The following TAL1 variants were observed in gnomAD, a reference collection of about 807,000 sequenced individuals.
TAL1 encodes the protein T-cell acute lymphocytic leukemia protein 1.
In TAL1, 8 loss-of-function variants were observed where a neutral mutation model predicts 17.9. That is an observed-to-expected ratio of 0.45 (90% confidence interval 0.26 to 0.81). TAL1 has a LOEUF of 0.81. Ranked by LOEUF, TAL1 falls within the 30% of genes least tolerant of loss-of-function variation. The pLI, the probability that TAL1 is intolerant of heterozygous loss-of-function variation, is 0.17. For missense variants in TAL1, 466 were observed against 486.9 expected (o/e 0.96, Z 0.40); for synonymous variants, 223 against 218.6 (o/e 1.02, Z -0.18).
exon 1 of TAL1, chr1:47,229,346 G>A (rs371318563): frequency 3.4e-4 from 66 of 195,078 alleles, no homozygotes; most frequent in African/African-American, 1.5e-3. Flanking sequence ...TGTGGTCCTG[G>A]GCGATCTGCC....
At chr1:47,222,461 C>T (rs6678021) in intron 3 of TAL1, among the ~76,000 whole-genome samples, 8,640 of 152,198 alleles carry the variant, frequency 0.057, 328 homozygotes, top group African/African-American at 0.093. Flanking sequence ...CACACATAGT[C>T]CATGGCACAT....
At position 47,219,894 on chromosome 1, in the gene TAL1, G is replaced by GGCGCCCCCCCCCCCCC; in HGVS notation, c.821_822insGGGGGGGGGGGGGCGC (p.Ala275GlyfsTer10). On this transcript the variant is annotated frameshift_variant, in exon 4 of 4. Transcript: ENST00000294339. LOFTEE classifies it high-confidence loss of function. ...CTTGCAGGAGGTCATCTGGGGGCGC[G>GGCGCCCCCCCCCCCCC]CCGCCCCCTCCCCCACCTCCACCCC... 5 of 1,556,012 alleles carry GGCGCCCCCCCCCCCCC rather than the reference G, an allele frequency of 3.2e-6. No individual in the cohort carries two copies. Among genetic ancestry groups the GGCGCCCCCCCCCCCCC allele is most frequent in the Non-Finnish European group, 3.5e-6 (4 of 1,149,564 alleles).
At chr1:47,216,845 C>T (rs545927519) in exon 4 of TAL1, 96 of 231,610 alleles carry the variant, frequency 4.1e-4, no homozygotes, top group African/African-American at 1.8e-3. Flanking sequence ...AGATGCTATT[C>T]TTGGAATGTT....
chr1:47,228,786 G>C (rs1643954073), intron 1 of TAL1: 1 of 158,350 alleles, frequency 6.3e-6, no homozygotes, highest in Non-Finnish European at 1.4e-5. Context: ...CCCACCCTAG[G>C]CCTCAGGCCT....
exon 2 of TAL1, chr1:47,225,673 T>C: frequency 7.1e-7 from 1 of 1,417,892 alleles, no homozygotes; most frequent in East Asian, 3.0e-5. Context: ...CCTTTAAGTC[T>C]CTCGCGGCGC....
Position 47,219,894 on chromosome 1 carries a change from G to GCCCCCCCCCCCCC in TAL1, c.821_822insGGGGGGGGGGGGG (p.Ala275GlyfsTer9). 6.4e-7 allele frequency: 1 copy of GCCCCCCCCCCCCC among 1,556,028 alleles called. No individual in the cohort carries two copies. The highest frequency in any genetic ancestry group is 8.7e-7 in the Non-Finnish European group (1 of 1,149,572). On this transcript the variant is annotated frameshift_variant, in exon 4 of 4. Coordinates refer to ENST00000294339, the Ensembl canonical transcript of TAL1. LOFTEE classifies it high-confidence loss of function. ...CTTGCAGGAGGTCATCTGGGGGCGCGCCGCCCCCTCCCCCACCTCCACCCC... is the reference window on the plus strand; with the variant it reads ...CTTGCAGGAGGTCATCTGGGGGCGCGCCCCCCCCCCCCCCCGCCCCCTCCCCCACCTCCACCCC...
chr1:47,227,759 ACACCAAGGC>A (rs2148594131), intron 1 of TAL1: 1 of 152,294 alleles, frequency 6.6e-6, no homozygotes, highest in African/African-American at 2.4e-5. Context: ...AACCACCAAG[ACACCAAGGC>A]CACTGGAAAT....
At chr1:47,227,535 C>G (rs2148593946) in intron 1 of TAL1, 1 of 152,358 alleles carries the variant, frequency 6.6e-6, no homozygotes, top group African/African-American at 2.4e-5. Context: ...GAGCTTGGCT[C>G]AATTGCCACT....
chr1:47,219,517 A>T, exon 4 of TAL1: 1 of 837,168 alleles, frequency 1.2e-6, no homozygotes, highest in Non-Finnish European at 2.0e-6. Context: ...ACTTTGCTCC[A>T]TTTTTCTGAT....
exon 4 of TAL1, chr1:47,219,484 C>T (rs762525062): frequency 2.8e-6 from 2 of 711,632 alleles, no homozygotes; most frequent in East Asian, 2.7e-5. Context: ...AAGACCGTGC[C>T]GTCTTCACAA....
chr1:47,224,110 A>G lies in TAL1; in HGVS notation c.447-12T>C, dbSNP rs560005058. 1 of 1,612,910 alleles carries G rather than the reference A, an allele frequency of 6.2e-7. No individual in the cohort carries two copies. Among genetic ancestry groups the G allele is most frequent in the African/African-American group, 1.3e-5 (1 of 74,976 alleles). ...CCCCAAAGAACCCGCTGTGGGAGGG[A>G]ACGGGCAGATCACAAGATCCCATGT... is the stretch of plus-strand genomic sequence containing the variant. On this transcript the variant is annotated splice_polypyrimidine_tract_variant and intron_variant, in intron 2 of 3. Transcript: ENST00000294339.
exon 2 of TAL1, chr1:47,225,837 C>G: frequency 6.3e-7 from 1 of 1,583,452 alleles, no homozygotes; most frequent in Non-Finnish European, 8.5e-7. Flanking sequence ...GCGTCCCGTC[C>G]CTCTAGCTGG....
chr1:47,227,267 T>C (rs956838014), intron 1 of TAL1: 9 of 152,162 alleles, frequency 5.9e-5, no homozygotes, highest in African/African-American at 2.2e-4. Context: ...AGTTTGTGAG[T>C]TGTGAGTTGT....
upstream of TAL1, chr1:47,230,829 A>C (rs1643998657): frequency 6.6e-6 from 1 of 152,304 alleles, no homozygotes; most frequent in East Asian, 1.9e-4. Context: ...GGGCCCCACT[A>C]ACCCGGTCCC....
At chr1:47,218,363 A>C (rs1645541397) in exon 4 of TAL1, 1 of 232,950 alleles carries the variant, frequency 4.3e-6, no homozygotes. Flanking sequence ...TTCATTCTAC[A>C]AAAGGATTCT....
intron 3 of TAL1, among the ~76,000 whole-genome samples, chr1:47,221,002 A>C (rs1643786359): frequency 6.6e-6 from 1 of 152,236 alleles, no homozygotes; most frequent in African/African-American, 2.4e-5. Flanking sequence ...AAGAGTATCC[A>C]AGCCAAGGGA....
At chr1:47,219,637 A>G (rs774920488) in exon 4 of TAL1, 1 of 1,580,160 alleles carries the variant, frequency 6.3e-7, no homozygotes, top group Non-Finnish European at 8.6e-7. Context: ...AGAGCCGCCC[A>G]ATTCTCACCC....
chr1:47,224,153 G>A (rs751577707), intron 2 of TAL1, 55 bp from the exon 4 acceptor site: 7 of 1,574,256 alleles, frequency 4.4e-6, no homozygotes, highest in Admixed American at 1.7e-5. Context: ...AGGGGAGAAA[G>A]AGCTTCCTTA....
exon 4 of TAL1, chr1:47,216,365 G>GT (rs910565692): frequency 1.4e-4 from 31 of 223,966 alleles, no homozygotes; most frequent in Non-Finnish European, 2.2e-4. Flanking sequence ...CACCACATGG[G>GT]TTTTTTTTGC....
Sources: gnomAD v4.1 joint callset for allele counts (sites outside exome capture counted in the v4.1 genomes callset) on GRCh38, gnomAD v4.1.1 for gene constraint, MANE v1.5 for transcripts, NCBI Gene and HGNC (gene_info 2026-07-23, HGNC 2026-07-21) for gene names.